AMZ2: variants seen among roughly 807,000 people sequenced by gnomAD.
AMZ2 encodes the protein archaelysin family metallopeptidase 2.
In AMZ2, 26 loss-of-function variants were observed where a neutral mutation model predicts 36.7. That is an observed-to-expected ratio of 0.71 (90% CI 0.52 to 0.98). The LOEUF (loss-of-function observed/expected upper bound fraction) is 0.98. AMZ2 is among the 50% of genes least tolerant of loss of function. The pLI is 0.00. For missense variants in AMZ2, 394 were observed against 430.5 expected (o/e 0.92, Z 0.75); for synonymous variants, 144 against 149.1 (o/e 0.97, Z 0.25).
At chr17:68,243,599 C>T (rs1555734550), upstream of AMZ2, among the ~76,000 whole-genome samples, 1 of 152,044 alleles carries the variant, frequency 6.6e-6, no homozygotes, top group Non-Finnish European at 1.5e-5. Flanking sequence ...TATCCTTAAC[C>T]ATAAGTCTGT....
At chr17:68,237,487 A>G (rs2073814983) in intron 1 of AMZ2, among the ~76,000 whole-genome samples, 1 of 152,222 alleles carries the variant, frequency 6.6e-6, no homozygotes, top group Non-Finnish European at 1.5e-5. Flanking sequence ...TTCCTCCTGC[A>G]CCACACTTGC....
At chr17:68,232,580 A>C (rs1396115384) in intron 1 of AMZ2, among the ~76,000 whole-genome samples, 1 of 151,930 alleles carries the variant, frequency 6.6e-6, no homozygotes, top group Non-Finnish European at 1.5e-5. Context: ...GTTTTGGATC[A>C]TGCCTATAAT....
intron 6 of AMZ2, among the ~76,000 whole-genome samples, chr17:68,256,115 C>T (rs1189004582): frequency 6.6e-6 from 1 of 152,182 alleles, no homozygotes; most frequent in Non-Finnish European, 1.5e-5. Flanking sequence ...CTTTGCTTCT[C>T]TTCCATTTAG....
rs565853173 is a variant in AMZ2 at position 68,235,903 on chromosome 17, C to T, written c.-66-12737C>T. On this transcript the variant is annotated intron_variant, in intron 1 of 7. Coordinates refer to the AMZ2 transcript ENST00000674770. The surrounding 1 kb of genome is among the most constrained non-coding windows in gnomAD (Gnocchi z 4.2). ...GGAATGCAGTGGCACAATCTTGGCT[C>T]ACTGCAACCTCCATCTCCCGGGCTC... Among the ~76,000 whole-genome samples the T allele has an allele frequency of 1.6e-3, 250 of 152,138 alleles. 4 individuals are homozygous for T. Among genetic ancestry groups the T allele is most frequent in the African/African-American group, 5.8e-3 (241 of 41,498 alleles).
At chr17:68,243,942 T>C (rs2073953264), upstream of AMZ2, among the ~76,000 whole-genome samples, 2 of 152,210 alleles carry the variant, frequency 1.3e-5, no homozygotes, top group Non-Finnish European at 2.9e-5. Flanking sequence ...GGTTTTAATA[T>C]ATATCTTCTG....
In AMZ2 at chr17:68,248,703, A is replaced by C. The variant is rs2074208093; in HGVS notation, c.-3A>C. Reference sequence around the variant, plus strand: ...TCCATGGGAGCCTTCCTTCCTAATCAAGGTAGGTAGACTACAGGAAGGTAC... The same window carrying C: ...TCCATGGGAGCCTTCCTTCCTAATCCAGGTAGGTAGACTACAGGAAGGTAC... On this transcript the variant is annotated splice_region_variant and 5_prime_UTR_variant, in exon 1 of 7. Transcript: ENST00000359904. 1 of 986,746 alleles carries C rather than the reference A, an allele frequency of 1.0e-6. No individual in the cohort carries two copies. Among genetic ancestry groups the C allele is most frequent in the African/African-American group, 1.7e-5 (1 of 57,284 alleles). 61.1% of individuals were successfully genotyped at this position (986,746 alleles called of 1,614,324 possible).
intron 1 of AMZ2, among the ~76,000 whole-genome samples, chr17:68,226,588 C>T (rs536151869): frequency 1.3e-5 from 2 of 152,340 alleles, no homozygotes; most frequent in East Asian, 1.9e-4. Flanking sequence ...AAGTGTCCTC[C>T]CCTGATCTCC....
intron 1 of AMZ2, among the ~76,000 whole-genome samples, chr17:68,208,878 C>T (rs2072928297): frequency 6.6e-6 from 1 of 152,142 alleles, no homozygotes; most frequent in Non-Finnish European, 1.5e-5. Context: ...AGACCACGAA[C>T]CCACCAGAAG....
At chr17:68,253,798 G>T (rs2074678929) in intron 4 of AMZ2, among the ~76,000 whole-genome samples, 3 of 149,592 alleles carry the variant, frequency 2.0e-5, no homozygotes, top group Admixed American at 1.3e-4. Flanking sequence ...TCTATCGTCA[G>T]GCTGGAGTGC....
chr17:68,247,311 G>A (rs2074062330), upstream of AMZ2: 1 of 132,808 alleles, frequency 7.5e-6, no homozygotes, highest in African/African-American at 3.1e-5. Context: ...ACTCCAGCCT[G>A]GGCAACAGAG....
At chr17:68,252,500 A>G (rs1383045706) in intron 4 of AMZ2, among the ~76,000 whole-genome samples, 7 of 151,908 alleles carry the variant, frequency 4.6e-5, no homozygotes, top group African/African-American at 1.5e-4. Flanking sequence ...AAATAATTCT[A>G]TCTACCTTTT....
intron 1 of AMZ2, among the ~76,000 whole-genome samples, chr17:68,220,892 C>T (rs2073335365): frequency 6.6e-6 from 1 of 151,260 alleles, no homozygotes; most frequent in African/African-American, 2.4e-5. Flanking sequence ...AAGCGATTCC[C>T]CTGCCTCAGC....
At position 68,248,673 on chromosome 17, in the gene AMZ2, A is replaced by T. The variant is rs2074206195; in HGVS notation, c.-33A>T. ...AGACATGTCCGTCCTTGTAAGTTAA[A>T]AGCTTCCATGGGAGCCTTCCTTCCT... is the stretch of plus-strand genomic sequence containing the variant. On this transcript the variant is annotated 5_prime_UTR_variant, in exon 1 of 7. Transcript: ENST00000359904. 1 of 985,960 alleles carries T rather than the reference A, an allele frequency of 1.0e-6. No individual in the cohort carries two copies. The allele number at this position is 985,960 out of a possible 1,614,324, so 61.1% of individuals were successfully genotyped here.
At position 68,255,697 on chromosome 17, in the gene AMZ2, C is replaced by T; in HGVS notation, c.751-3C>T. 1 of 1,612,544 alleles carries T rather than the reference C, an allele frequency of 6.2e-7. No homozygotes were observed. The highest frequency in any genetic ancestry group is 8.5e-7 in the Non-Finnish European group (1 of 1,178,776). Reference sequence around the variant, plus strand: ...ATAAAGCCTCAACATGATTGTCTTGCAGACTTTAACCCATGAGATCGGACA... The same window carrying T: ...ATAAAGCCTCAACATGATTGTCTTGTAGACTTTAACCCATGAGATCGGACA... On this transcript the variant is annotated splice_polypyrimidine_tract_variant and splice_region_variant and intron_variant, in intron 5 of 6. Coordinates refer to ENST00000359904, the MANE Select transcript of AMZ2 (RefSeq NM_016627.5).
chr17:68,211,878 G>A (rs201930030), intron 1 of AMZ2, among the ~76,000 whole-genome samples: 26,665 of 134,744 alleles, frequency 0.2, 3,850 homozygotes, highest in Non-Finnish European at 0.24. Flanking sequence ...GTGTGTGTAT[G>A]TATATATATA....
intron 1 of AMZ2, among the ~76,000 whole-genome samples, chr17:68,220,588 G>A (rs1555728230): frequency 1.8e-4 from 27 of 152,000 alleles, no homozygotes. Context: ...GACACTTTGG[G>A]TGATAAGAAA....
chr17:68,239,795 C>A (rs2073864366), intron 1 of AMZ2, among the ~76,000 whole-genome samples: 1 of 134,790 alleles, frequency 7.4e-6, no homozygotes, highest in South Asian at 2.5e-4. Context: ...TTCATGCACA[C>A]AGAACCCCCC....
chr17:68,248,588 A>G lies in AMZ2; in HGVS notation c.-118A>G, dbSNP rs1378556476. ...GCAAGAGGAGGCCTCCTGACCTTTC[A>G]CACTGCCTTTTTAATATTAAGATGA... On this transcript the variant is annotated 5_prime_UTR_variant, in exon 1 of 7. Transcript: ENST00000359904. 1.0e-6 allele frequency: 1 copy of G among 985,762 alleles called. No individual in the cohort carries two copies. The highest frequency in any genetic ancestry group is 1.2e-6 in the Non-Finnish European group (1 of 829,984). The allele number at this position is 985,762 out of a possible 1,614,324, so 61.1% of individuals were successfully genotyped here.
At position 68,250,275 on chromosome 17, in the gene AMZ2, A is replaced by C; in HGVS notation, c.88A>C (p.Asn30His). 2 of 1,614,020 alleles carry C rather than the reference A, an allele frequency of 1.2e-6. No individual in the cohort carries two copies. The highest frequency in any genetic ancestry group is 1.7e-6 in the Non-Finnish European group (2 of 1,180,002). ...PVLVSQYEKLNAGEQRLMNEA... is the reference protein window; with the variant it reads ...PVLVSQYEKLHAGEQRLMNEA... The stretch of plus-strand genomic sequence containing the variant: ...GCTTGTATCACAGTATGAGAAATTA[A>C]ATGCTGGGGAACAACGTTTAATGAA... Residue 30 changes from asparagine (N) to histidine (H), a missense_variant, in exon 2 of 7, where the codon AAT becomes CAT. Transcript: ENST00000359904.
Sources: allele counts gnomAD v4.1 joint callset (sites outside exome capture counted in the v4.1 genomes callset), GRCh38; gene constraint gnomAD v4.1.1; non-coding constraint Gnocchi (gnomAD v3.1); transcripts MANE v1.5; gene names NCBI Gene and HGNC (gene_info 2026-07-23, HGNC 2026-07-21).